FAH: variants seen among roughly 807,000 people sequenced by gnomAD.
FAH encodes the protein fumarylacetoacetase.
In FAH, 47 loss-of-function variants were observed where a neutral mutation model predicts 55.8. That is an observed-to-expected ratio of 0.84 (90% CI 0.67 to 1.07). The LOEUF (loss-of-function observed/expected upper bound fraction) is 1.07, where lower values mean the gene tolerates loss of function less well. Ranked by LOEUF, FAH falls within the 50% of genes least tolerant of loss-of-function variation. The probability of loss-of-function intolerance (pLI) is 0.00; values close to 1 mark genes in which losing one functional copy is unlikely to be tolerated. For missense variants in FAH, 495 were observed against 545.9 expected (o/e 0.91, Z 0.93); for synonymous variants, 199 against 207.7 (o/e 0.96, Z 0.36).
At chr15:80,184,366 A>G (rs2041353359) in intron 13 of FAH, among the ~76,000 whole-genome samples, 1 of 151,808 alleles carries the variant, frequency 6.6e-6, no homozygotes, top group Non-Finnish European at 1.5e-5. Context: ...TGTTTATTCC[A>G]GTTTCTCTCC....
Position 80,182,997 on chromosome 15 carries a change from G to A in FAH, c.1180+1838G>A, listed in dbSNP as rs549597748. Among the ~76,000 whole-genome samples, 5 of 152,336 alleles carry A rather than the reference G, an allele frequency of 3.3e-5. No individual in the cohort carries two copies. The South Asian group carries it at 1.0e-3, about 32-fold the overall frequency. On this transcript the variant is annotated intron_variant, in intron 13 of 13. Coordinates refer to ENST00000561421, the MANE Select transcript of FAH (RefSeq NM_000137.4). ...GACCAGGCAGCTGTCCAGGGCCTGGGAGAAAGGAGGCTGGTATCTAGCAGT... is the reference window on the plus strand; with the variant it reads ...GACCAGGCAGCTGTCCAGGGCCTGGAAGAAAGGAGGCTGGTATCTAGCAGT...
intron 13 of FAH, among the ~76,000 whole-genome samples, chr15:80,184,896 C>A (rs1375462461): frequency 6.6e-6 from 1 of 152,126 alleles, no homozygotes; most frequent in Non-Finnish European, 1.5e-5. Context: ...AAGATATCCC[C>A]CCTTCCTGCT....
At chr15:80,153,328 T>C (rs2041070464) in intron 1 of FAH, among the ~76,000 whole-genome samples, 193 bp downstream of exon 1, 1 of 152,146 alleles carries the variant, frequency 6.6e-6, no homozygotes, top group African/African-American at 2.4e-5. Flanking sequence ...GCTGTGCACG[T>C]TGTTTAACTT....
rs1489633213 is a variant in FAH at position 80,175,079 on chromosome 15, G to C, written c.901G>C (p.Val301Leu). The change falls in exon 10 of 14, where the codon GTT (valine) becomes CTT (leucine). Residue 301 changes from valine to leucine, a missense_variant. Transcript: ENST00000561421. ...CTACACATTTGACATCAACCTCTCT[G>C]TTAACCTGAAAGGTATGTTGTAGGG... The part of the protein sequence containing the change: ...EPYTFDINLS[V>L]NLKGEGMSQA... The C allele has an allele frequency of 1.2e-6, 2 of 1,614,134 alleles. No homozygotes were observed. Among genetic ancestry groups the C allele is most frequent in the Non-Finnish European group, 1.7e-6 (2 of 1,179,968 alleles).
intron 13 of FAH, among the ~76,000 whole-genome samples, chr15:80,182,013 A>C (rs1461626736): frequency 1.3e-5 from 2 of 152,178 alleles, no homozygotes; most frequent in African/African-American, 4.8e-5. Context: ...GTATTCTCTC[A>C]CAGCTCTATA....
At chr15:80,167,751 C>T (rs1477582080) in intron 5 of FAH, among the ~76,000 whole-genome samples, 3 of 152,080 alleles carry the variant, frequency 2.0e-5, no homozygotes, top group Admixed American at 6.5e-5. Context: ...AGGCTGTTCT[C>T]GAACTCCTGG....
At chr15:80,167,305 C>T (rs2041199809) in intron 5 of FAH, 1 of 152,526 alleles carries the variant, frequency 6.6e-6, no homozygotes, top group African/African-American at 2.4e-5. Flanking sequence ...CTGCTTCCAG[C>T]TTCTGGGGGC....
chr15:80,175,906 C>T (rs1280625627), intron 10 of FAH, among the ~76,000 whole-genome samples: 2 of 152,226 alleles, frequency 1.3e-5, no homozygotes, highest in Non-Finnish European at 2.9e-5. Context: ...CCAATCCCAA[C>T]GGGGGCCCTC....
At chr15:80,160,851 G>C (rs2041142802) in intron 4 of FAH, among the ~76,000 whole-genome samples, 1 of 152,236 alleles carries the variant, frequency 6.6e-6, no homozygotes, top group South Asian at 2.1e-4. Flanking sequence ...CAGGATGTCT[G>C]GTTGGAGTGT....
intron 8 of FAH, among the ~76,000 whole-genome samples, chr15:80,172,785 C>T (rs945689291): frequency 6.6e-6 from 1 of 152,344 alleles, no homozygotes. Context: ...TCCTGACCAC[C>T]GTTTGGTCAT....
chr15:80,154,948 T>A (rs2041086029), intron 1 of FAH, among the ~76,000 whole-genome samples: 1 of 152,216 alleles, frequency 6.6e-6, no homozygotes, highest in South Asian at 2.1e-4. Flanking sequence ...GTGGTCTGGC[T>A]GTGCTGCTGC....
At chr15:80,175,277 T>A (rs956099198) in intron 10 of FAH, among the ~76,000 whole-genome samples, 186 bp downstream of exon 10, 3 of 151,778 alleles carry the variant, frequency 2.0e-5, no homozygotes, top group African/African-American at 7.3e-5. Context: ...ACTGGGAACC[T>A]AACTGGGCCC....
chr15:80,185,167 G>C (rs76701320), intron 13 of FAH, among the ~76,000 whole-genome samples: 2,642 of 152,308 alleles, frequency 0.017, 73 homozygotes, highest in African/African-American at 0.059. Flanking sequence ...CTTGTTTGCA[G>C]ATGAGGGAGG....
intron 7 of FAH, 112 bp downstream of exon 7, chr15:80,168,428 A>G (rs1567117606): frequency 1.1e-5 from 11 of 1,036,594 alleles, no homozygotes; most frequent in African/African-American, 6.3e-5. Flanking sequence ...CTTCAGCCAC[A>G]TCGGCAGCCG....
chr15:80,182,032 G>A (rs184464068), intron 13 of FAH, among the ~76,000 whole-genome samples: 2 of 152,316 alleles, frequency 1.3e-5, no homozygotes, highest in Admixed American at 6.5e-5. Flanking sequence ...TAAGGTACAA[G>A]TTCAAAATCC....
intron 5 of FAH, among the ~76,000 whole-genome samples, chr15:80,167,530 CTT>C (rs11315019): frequency 0.036 from 3,957 of 110,746 alleles, 136 homozygotes; most frequent in African/African-American, 0.12. Context: ...ATGGCTGTAT[CTT>C]TTTTTTTTTT....
At chr15:80,182,564 A>C (rs1451308233) in intron 13 of FAH, among the ~76,000 whole-genome samples, 1 of 152,192 alleles carries the variant, frequency 6.6e-6, no homozygotes, top group African/African-American at 2.4e-5. Flanking sequence ...GAATTTGACT[A>C]TTTACTGAAC....
intron 1 of FAH, 150 bp from the exon 2 acceptor site, chr15:80,157,910 A>T: frequency 5.7e-6 from 4 of 695,880 alleles, no homozygotes; most frequent in Non-Finnish European, 7.9e-6. Flanking sequence ...CTGGGGCAGG[A>T]TGCTGAGAAC....
At chr15:80,159,371 C>A (rs2041127986) in intron 2 of FAH, among the ~76,000 whole-genome samples, 1 of 152,056 alleles carries the variant, frequency 6.6e-6, no homozygotes, top group Non-Finnish European at 1.5e-5. Flanking sequence ...TCACACCTGG[C>A]CCAAAACCTC....
Sources: gnomAD v4.1 joint callset for allele counts (sites outside exome capture counted in the v4.1 genomes callset) on GRCh38, gnomAD v4.1.1 for gene constraint, MANE v1.5 for transcripts, NCBI Gene and HGNC (gene_info 2026-07-23, HGNC 2026-07-21) for gene names.